C2CD2L: variants seen among roughly 807,000 people sequenced by gnomAD.
C2CD2L encodes the protein C2CD2 like, also known as phospholipid transfer protein C2CD2L.
A neutral mutation model predicts 69.9 loss-of-function variants in C2CD2L; 24 were observed. The observed-to-expected ratio is 0.34, with a 90% confidence interval of 0.25 to 0.48. The LOEUF (loss-of-function observed/expected upper bound fraction) is 0.48. Ranked by LOEUF, C2CD2L falls within the 20% of genes least tolerant of loss-of-function variation. The pLI is 0.99. For missense variants in C2CD2L, 811 were observed against 941.5 expected, an observed-to-expected ratio of 0.86 and a Z score of 1.81; for synonymous variants, 367 against 391.0, an observed-to-expected ratio of 0.94 and a Z score of 0.72.
Position 119,113,917 on chromosome 11 carries a change from G to A in C2CD2L, c.1552G>A (p.Glu518Lys). 6.2e-7 allele frequency: 1 copy of A among 1,614,180 alleles called. No homozygotes were observed. Among genetic ancestry groups the A allele is most frequent in the Non-Finnish European group, 8.5e-7 (1 of 1,180,028 alleles). ...VAETAIRQLT[E>K]PSGRVAKKTP... ...AGAGACAGCGATTCGCCAGCTGACA[G>A]AGCCCAGTGGGCGGGTGGCCAAGAA... The change falls in exon 12 of 14, where the codon GAG becomes AAG. Residue 518 changes from glutamate to lysine, a missense_variant. Glu to Lys is a moderately conservative substitution (Grantham distance 56). Transcript: ENST00000648610.
rs1356551037 is a variant in C2CD2L, at chr11:119,116,062, G to A, written c.1927G>A (p.Gly643Ser). 2 of 1,613,588 alleles carry A rather than the reference G, an allele frequency of 1.2e-6. No individual in the cohort carries two copies. The highest frequency in any genetic ancestry group is 2.2e-5 in the East Asian group (1 of 44,878). Residue 643 changes from glycine (G) to serine (S), a missense_variant, in exon 14 of 14, where the codon GGC (glycine) becomes AGC (serine). Transcript: ENST00000648610. ...KDHKVSFLRS[G>S]TKLIFRRRPR... Reference sequence around the variant, plus strand: ...CCCTGCAGTGAGTTTCCTGCGCAGCGGCACTAAGCTCATCTTCCGCCGGAG... The same window carrying A: ...CCCTGCAGTGAGTTTCCTGCGCAGCAGCACTAAGCTCATCTTCCGCCGGAG...
rs909878041 is a variant in C2CD2L, at chr11:119,110,248, C to A, written c.450+49C>A. The A allele has an allele frequency of 2.2e-6, 3 of 1,337,844 alleles. No individual in the cohort carries two copies. Among genetic ancestry groups the A allele is most frequent in the African/African-American group, 1.4e-5 (1 of 69,516 alleles). 82.9% of individuals were successfully genotyped at this position (1,337,844 alleles called of 1,614,324 possible). Reference sequence around the variant, plus strand: ...CTCTTTGGGGTCCAAGAAGGACTGACCCCAAGGGCTCCCTTTAGTCCAGAG... The same window carrying A: ...CTCTTTGGGGTCCAAGAAGGACTGAACCCAAGGGCTCCCTTTAGTCCAGAG... On this transcript the variant is annotated intron_variant, in intron 2 of 13. Coordinates refer to ENST00000648610, the MANE Select transcript of C2CD2L (RefSeq NM_001290474.2). The surrounding 1 kb of genome is among the most constrained non-coding windows in gnomAD (Gnocchi z 5.7).
Position 119,110,809 on chromosome 11 carries a change from G to A in C2CD2L, c.571-38G>A. ...TCGAATTAGGAGTCCTTGGGTAAAT[G>A]GGGCAAGTCAGCCCAGTCACTTTGT... On this transcript the variant is annotated intron_variant, in intron 3 of 13. Coordinates refer to ENST00000648610, the MANE Select transcript of C2CD2L (RefSeq NM_001290474.2). The surrounding 1 kb of genome is among the most constrained non-coding windows in gnomAD (Gnocchi z 5.7). 6.2e-7 allele frequency: 1 copy of A among 1,609,752 alleles called. No homozygotes were observed. The highest frequency in any genetic ancestry group is 8.5e-7 in the Non-Finnish European group (1 of 1,176,734).
Position 119,107,707 on chromosome 11 carries a change from C to G in C2CD2L, c.-35C>G. 1.5e-6 allele frequency: 2 copies of G among 1,373,666 alleles called. No homozygotes were observed. The highest frequency in any genetic ancestry group is 1.9e-6 in the Non-Finnish European group (2 of 1,051,444). 85.1% of individuals were successfully genotyped at this position (1,373,666 alleles called of 1,614,324 possible). On this transcript the variant is annotated 5_prime_UTR_variant, in exon 1 of 14. Coordinates refer to ENST00000648610, the MANE Select transcript of C2CD2L (RefSeq NM_001290474.2). This position sits in a 1 kb window ranked among gnomAD's most constrained non-coding sequence, Gnocchi z 5.4. ...TGCTCCCCCGGGGCAGCGGGTGAGCCCCAGCCGGGACCGGGATCGGAGCCC... is the reference window on the plus strand; with the variant it reads ...TGCTCCCCCGGGGCAGCGGGTGAGCGCCAGCCGGGACCGGGATCGGAGCCC...
In C2CD2L at chr11:119,114,120, A is replaced by C; in HGVS notation, c.1664A>C (p.Tyr555Ser). 6.2e-7 allele frequency: 1 copy of C among 1,614,128 alleles called. No homozygotes were observed. Among genetic ancestry groups the C allele is most frequent in the South Asian group, 1.1e-5 (1 of 91,076 alleles). ...AQDELALSLG[Y>S]AASLEASVQD... ...GACGAGTTGGCGCTATCCCTGGGCT[A>C]TGCGGCATCCCTGGAAGCCTCAGTG... The change falls in exon 13 of 14, where the codon TAT becomes TCT. Residue 555 changes from tyrosine (Y) to serine (S), a missense_variant. Tyr to Ser is a moderately radical substitution (Grantham distance 144). Coordinates refer to ENST00000648610, the MANE Select transcript of C2CD2L (RefSeq NM_001290474.2). The surrounding 1 kb of genome is among the most constrained non-coding windows in gnomAD (Gnocchi z 5.1).
At position 119,111,160 on chromosome 11, in the gene C2CD2L, G is replaced by A. The variant is rs779698407; in HGVS notation, c.790G>A (p.Gly264Arg). ...CAACCTCAGGGCTTGCTCTGCCCCA[G>A]GAGGCCTGGTGAGTTGGCACCCAAA... is the stretch of plus-strand genomic sequence containing the variant. Reference protein sequence around the residue: ...MVNLRACSAPGGLVPSEKPPM... With the variant: ...MVNLRACSAPRGLVPSEKPPM... The change falls in exon 5 of 14, where the codon GGA (glycine) becomes AGA (arginine). Residue 264 changes from glycine to arginine, a missense_variant. Coordinates refer to ENST00000648610, the MANE Select transcript of C2CD2L (RefSeq NM_001290474.2). The A allele has an allele frequency of 2.5e-6, 4 of 1,613,652 alleles. No individual in the cohort carries two copies. In the East Asian group the frequency reaches 8.9e-5, roughly 36 times the overall value.
chr11:119,107,654 A>G lies in C2CD2L; in HGVS notation c.-88A>G, dbSNP rs1946620674. The G allele has an allele frequency of 2.5e-6, 2 of 793,194 alleles. No homozygotes were observed. The highest frequency in any genetic ancestry group is 3.5e-6 in the Non-Finnish European group (2 of 566,178). The allele number at this position is 793,194 out of a possible 1,614,324, so 49.1% of individuals were successfully genotyped here. A position where few individuals can be genotyped will look rare whatever the true frequency, so the allele number is the denominator to read the frequency against. On this transcript the variant is annotated 5_prime_UTR_variant, in exon 1 of 14. Coordinates refer to ENST00000648610, the MANE Select transcript of C2CD2L (RefSeq NM_001290474.2). The surrounding 1 kb of genome is among the most constrained non-coding windows in gnomAD (Gnocchi z 5.4). ...CGCGCGCCCAGCCCCGGGGGAGCCCACCTCCTCCCCGCGGCCCGCCCGGGC... is the reference window on the plus strand; with the variant it reads ...CGCGCGCCCAGCCCCGGGGGAGCCCGCCTCCTCCCCGCGGCCCGCCCGGGC...
In C2CD2L at chr11:119,110,629, T is replaced by C; in HGVS notation, c.519T>C (p.Ala173=). Residue 173 remains alanine, a synonymous_variant, in exon 3 of 14, where the codon GCT becomes GCC. Transcript: ENST00000648610. This position sits in a 1 kb window ranked among gnomAD's most constrained non-coding sequence, Gnocchi z 5.7. The part of the protein sequence containing the change: ...FPVSVTQQSP[A]AVSMETYHVT... ...TCTCTGTGACCCAGCAGTCCCCCGCTGCCGTCTCCATGGAGACCTACCACG... is the reference window on the plus strand; with the variant it reads ...TCTCTGTGACCCAGCAGTCCCCCGCCGCCGTCTCCATGGAGACCTACCACG... 1 of 1,613,326 alleles carries C rather than the reference T, an allele frequency of 6.2e-7. No individual in the cohort carries two copies. Among genetic ancestry groups the C allele is most frequent in the Non-Finnish European group, 8.5e-7 (1 of 1,179,864 alleles).
At chr11:119,112,298 C>T in intron 7 of C2CD2L, 30 bp from the exon 8 acceptor site, 1 of 1,600,310 alleles carries the variant, frequency 6.2e-7, no homozygotes, top group Non-Finnish European at 8.5e-7. Context: ...TAATTTTCTC[C>T]TTCCTGCCCC....
chr11:119,113,183 G>A, intron 10 of C2CD2L: 1 of 467,220 alleles, frequency 2.1e-6, no homozygotes, highest in Non-Finnish European at 3.8e-6. Context: ...CTTAGCCCCA[G>A]CTGACTATAA....
Position 119,111,381 on chromosome 11 carries a change from G to A in C2CD2L, c.910+7G>A. On this transcript the variant is annotated splice_region_variant and intron_variant, in intron 6 of 13. Transcript: ENST00000648610. ...TTGGGAAATGAGCTGGAAGGTGAGA[G>A]CTGGAAGTGGCTGCGGGACTGCCAA... 1 of 1,612,608 alleles carries A rather than the reference G, an allele frequency of 6.2e-7. No homozygotes were observed. The highest frequency in any genetic ancestry group is 2.2e-5 in the East Asian group (1 of 44,874).
chr11:119,117,727 G>C lies in C2CD2L; in HGVS notation c.*1471G>C, dbSNP rs1946927713. Reference sequence around the variant, plus strand: ...AGCAAACTGTGTCCCTGGTTCCCGTGCTTGAGATCTTATACAGGACTTGAA... The same window carrying C: ...AGCAAACTGTGTCCCTGGTTCCCGTCCTTGAGATCTTATACAGGACTTGAA... On this transcript the variant is annotated 3_prime_UTR_variant, in exon 14 of 14. Coordinates refer to ENST00000648610, the MANE Select transcript of C2CD2L (RefSeq NM_001290474.2). 6.6e-6 allele frequency: 1 copy of C among 152,194 alleles called. No homozygotes were observed. Among genetic ancestry groups the C allele is most frequent in the Non-Finnish European group, 1.5e-5 (1 of 68,036 alleles). The allele number at this position is 152,194 out of a possible 1,614,324, so 9.4% of individuals were successfully genotyped here.
At position 119,114,659 on chromosome 11, in the gene C2CD2L, A is replaced by T. The variant is rs1946840425; in HGVS notation, c.1909+294A>T. Reference sequence around the variant, plus strand: ...CTTTAAAAAAAAATTATAAAAATTTATTCCTAGGCAGGGTGTGGTGGCTCA... The same window carrying T: ...CTTTAAAAAAAAATTATAAAAATTTTTTCCTAGGCAGGGTGTGGTGGCTCA... On this transcript the variant is annotated intron_variant, in intron 13 of 13. Coordinates refer to ENST00000648610, the MANE Select transcript of C2CD2L (RefSeq NM_001290474.2). This position sits in a 1 kb window ranked among gnomAD's most constrained non-coding sequence, Gnocchi z 5.1. The T allele has an allele frequency of 7.6e-6, 3 of 396,896 alleles. No individual in the cohort carries two copies. The highest frequency in any genetic ancestry group is 1.4e-5 in the Non-Finnish European group (3 of 215,110). 24.6% of individuals were successfully genotyped at this position (396,896 alleles called of 1,614,324 possible).
In C2CD2L at chr11:119,107,557, C is replaced by T. The variant is rs1946617855; in HGVS notation, c.-185C>T. On this transcript the variant is annotated 5_prime_UTR_variant, in exon 1 of 14. Transcript: ENST00000648610. The surrounding 1 kb of genome is among the most constrained non-coding windows in gnomAD (Gnocchi z 5.4). ...GACAGAGACCCCGGCATCGCGACCC[C>T]CGAGGACCTCCTCTCCTCGCCCTGT... The T allele has an allele frequency of 9.5e-6, 4 of 422,180 alleles. No homozygotes were observed. The highest frequency in any genetic ancestry group is 4.1e-6 in the Non-Finnish European group (1 of 242,268). 26.2% of individuals were successfully genotyped at this position (422,180 alleles called of 1,614,324 possible).
Position 119,112,331 on chromosome 11 carries a change from T to C in C2CD2L, c.1023T>C (p.Asp341=). The C allele has an allele frequency of 6.2e-7, 1 of 1,612,316 alleles. No individual in the cohort carries two copies. The highest frequency in any genetic ancestry group is 8.5e-7 in the Non-Finnish European group (1 of 1,179,674). The change falls in exon 8 of 14, where the codon GAT becomes GAC. Residue 341 remains aspartate, a synonymous_variant. Coordinates refer to ENST00000648610, the MANE Select transcript of C2CD2L (RefSeq NM_001290474.2). ...CCCATCTCCTCTTGTCCCACAGGGA[T>C]CTGGGCCCCCAGAGCCGGGAGCTGA... The part of the protein sequence containing the change: ...EVEWTEDLAL[D]LGPQSRELTL...
In C2CD2L at chr11:119,114,116, G is replaced by A. The variant is rs1946823879; in HGVS notation, c.1660G>A (p.Gly554Ser). 1 of 1,614,004 alleles carries A rather than the reference G, an allele frequency of 6.2e-7. No homozygotes were observed. Among genetic ancestry groups the A allele is most frequent in the Admixed American group, 1.7e-5 (1 of 60,002 alleles). Residue 554 changes from glycine to serine, a missense_variant, in exon 13 of 14, where the codon GGC becomes AGC. Transcript: ENST00000648610. The surrounding 1 kb of genome is among the most constrained non-coding windows in gnomAD (Gnocchi z 5.1). ...IAQDELALSL[G>S]YAASLEASVQ... ...TCAGGACGAGTTGGCGCTATCCCTG[G>A]GCTATGCGGCATCCCTGGAAGCCTC...
chr11:119,102,506 C>T (rs1432975613), upstream of C2CD2L: 2 of 368,270 alleles, frequency 5.4e-6, no homozygotes, highest in Non-Finnish European at 1.1e-5. Flanking sequence ...TTTTTCTCAG[C>T]ATCCCACCCA....
chr11:119,116,263 A>C lies in C2CD2L; in HGVS notation c.*7A>C. On this transcript the variant is annotated 3_prime_UTR_variant, in exon 14 of 14. Transcript: ENST00000648610. ...CCCCAGCCCCCAGCTCTGAGGACCC[A>C]GCTCTGAAAGGGCACGAGTTCTCTC... is the stretch of plus-strand genomic sequence containing the variant. 1 of 1,604,980 alleles carries C rather than the reference A, an allele frequency of 6.2e-7. No homozygotes were observed. The highest frequency in any genetic ancestry group is 8.5e-7 in the Non-Finnish European group (1 of 1,171,740).
upstream of C2CD2L, among the ~76,000 whole-genome samples, chr11:119,105,207 T>C (rs1054814425): frequency 6.6e-6 from 1 of 152,160 alleles, no homozygotes; most frequent in Non-Finnish European, 1.5e-5. Flanking sequence ...CTTGGTTGAA[T>C]TTGAGGGAAA....
Sources: gnomAD v4.1 joint callset for allele counts (sites outside exome capture counted in the v4.1 genomes callset) on GRCh38, gnomAD v4.1.1 for gene constraint, Gnocchi (gnomAD v3.1) non-coding constraint, MANE v1.5 for transcripts, NCBI Gene and HGNC (gene_info 2026-07-23, HGNC 2026-07-21) for gene names.